FRMPD4: variants seen among roughly 807,000 people sequenced by gnomAD.
FRMPD4 encodes FERM and PDZ domain containing 4, also known as FERM and PDZ domain-containing protein 4.
A neutral mutation model predicts 94.1 loss-of-function variants in FRMPD4; 22 were observed. That is an observed-to-expected ratio of 0.23 (90% confidence interval 0.17 to 0.33). FRMPD4 has a LOEUF of 0.33. Ranked by LOEUF, FRMPD4 falls within the 10% of genes least tolerant of loss-of-function variation. FRMPD4 has a pLI of 1.00. For synonymous variants in FRMPD4, 631 were observed against 548.6 expected (o/e 1.15, Z -2.10); for missense variants, 1,111 against 1,339.9 (o/e 0.83, Z 2.67).
At chrX:12,277,014 G>A (rs1259337380) in intron 1 of FRMPD4, among the ~76,000 whole-genome samples, 7 of 103,209 alleles carry the variant, frequency 6.8e-5, no homozygotes, top group African/African-American at 2.1e-4. Context: ...CCAGCTACTC[G>A]GGAGGCTGAG....
intron 3 of FRMPD4, among the ~76,000 whole-genome samples, chrX:12,120,875 C>T (rs2055447634): frequency 9.0e-6 from 1 of 110,953 alleles, no homozygotes; most frequent in South Asian, 3.8e-4. Flanking sequence ...AAGTACTTGG[C>T]ACTGTGTCAT....
intron 2 of FRMPD4, among the ~76,000 whole-genome samples, chrX:12,525,167 A>ATTCTAATAGTAAAAG (rs1445899202): frequency 9.0e-6 from 1 of 110,570 alleles, no homozygotes; most frequent in Non-Finnish European, 1.9e-5. Flanking sequence ...TAGACAACTG[A>ATTCTAATAGTAAAAG]TTCTAATAGT....
Position 12,360,161 on chromosome X carries a change from C to A in FRMPD4, c.42-138519C>A, listed in dbSNP as rs1414465029. On this transcript the variant is annotated intron_variant, in intron 1 of 16. Transcript: ENST00000675598. ...GTTCAGGTACATACTGTACATACTG[C>A]ACTATACCTTGATCATTAAAGGAAT... Among the ~76,000 whole-genome samples the A allele has an allele frequency of 3.6e-5, 4 of 112,381 alleles. No individual in the cohort carries two copies. The Admixed American group carries it at 3.8e-4, about 11-fold the overall frequency.
At chrX:12,167,942 G>A (rs2056150364) in intron 1 of FRMPD4, among the ~76,000 whole-genome samples, 1 of 111,162 alleles carries the variant, frequency 9.0e-6, no homozygotes, top group South Asian at 3.9e-4. Flanking sequence ...AGGGGTTGGG[G>A]TAAGGACAAT....
chrX:12,140,637 C>T (rs967343271), intron 1 of FRMPD4, among the ~76,000 whole-genome samples: 1 of 112,135 alleles, frequency 8.9e-6, no homozygotes, highest in Non-Finnish European at 1.9e-5. Flanking sequence ...TTGGTGGCCT[C>T]AGATGCTAAA....
At chrX:12,556,429 G>T (rs938404118) in intron 2 of FRMPD4, among the ~76,000 whole-genome samples, 7 of 111,088 alleles carry the variant, frequency 6.3e-5, no homozygotes, top group African/African-American at 2.0e-4. Context: ...CCTACGGAGG[G>T]GGGTGGACTC....
intron 1 of FRMPD4, among the ~76,000 whole-genome samples, chrX:12,432,632 C>G (rs1329979861): frequency 8.9e-6 from 1 of 112,093 alleles, no homozygotes; most frequent in Non-Finnish European, 1.9e-5. Context: ...ATATCAGTCT[C>G]TCAGTAGGGA....
At chrX:12,176,517 G>A (rs2056297029) in intron 1 of FRMPD4, among the ~76,000 whole-genome samples, 1 of 111,742 alleles carries the variant, frequency 8.9e-6, no homozygotes, top group South Asian at 3.7e-4. Flanking sequence ...GTTAAAATCT[G>A]TATAATTAAA....
At chrX:12,006,257 A>C (rs749054794) in intron 3 of FRMPD4, among the ~76,000 whole-genome samples, 2 of 112,528 alleles carry the variant, frequency 1.8e-5, no homozygotes, top group African/African-American at 6.4e-5. Context: ...GCTTATTATA[A>C]ATTCTTATGA....
intron 1 of FRMPD4, among the ~76,000 whole-genome samples, chrX:11,827,934 A>G (rs1409231456): frequency 8.9e-6 from 1 of 111,807 alleles, no homozygotes; most frequent in Non-Finnish European, 1.9e-5. Context: ...ACAGGGACCA[A>G]TGCTCCTTTG....
At chrX:12,585,702 C>T (rs73444891) in intron 2 of FRMPD4, among the ~76,000 whole-genome samples, 5,713 of 111,718 alleles carry the variant, frequency 0.051, 343 homozygotes, top group African/African-American at 0.18. Flanking sequence ...GGACTTGCTC[C>T]GTCCAATACA....
At chrX:11,953,464 T>G (rs1427831435) in intron 3 of FRMPD4, among the ~76,000 whole-genome samples, 1 of 111,072 alleles carries the variant, frequency 9.0e-6, no homozygotes, top group Non-Finnish European at 1.9e-5. Flanking sequence ...TATTTAAAAC[T>G]TTTGCCTAGA....
intron 1 of FRMPD4, among the ~76,000 whole-genome samples, chrX:12,143,007 G>A (rs967427593): frequency 5.3e-5 from 6 of 112,287 alleles, no homozygotes; most frequent in Non-Finnish European, 7.5e-5. Context: ...GAGGTTAACC[G>A]TGGAAGTTTA....
At position 12,413,152 on chromosome X, in the gene FRMPD4, A is replaced by G. The variant is rs1569266136; in HGVS notation, c.42-85528A>G. Among the ~76,000 whole-genome samples, 4 of 111,674 alleles carry G rather than the reference A, an allele frequency of 3.6e-5. 1 individual carries two copies. Among genetic ancestry groups the G allele is most frequent in the Non-Finnish European group, 3.8e-5 (2 of 53,049 alleles). On this transcript the variant is annotated intron_variant, in intron 1 of 16. Coordinates refer to ENST00000675598, the MANE Select transcript of FRMPD4 (RefSeq NM_001368397.1). Reference sequence around the variant, plus strand: ...TTTTCTGAAACTGTTTAAAGCCGGTATGCTTTTGTCTGGGAGCACTTTAAA... The same window carrying G: ...TTTTCTGAAACTGTTTAAAGCCGGTGTGCTTTTGTCTGGGAGCACTTTAAA...
chrX:12,711,208 C>A (rs2041980459), intron 14 of FRMPD4, among the ~76,000 whole-genome samples: 1 of 111,720 alleles, frequency 9.0e-6, no homozygotes, highest in Non-Finnish European at 1.9e-5. Context: ...TTGTGAGCCC[C>A]TGCTTTAGGG....
chrX:12,091,307 A>C (rs1041789368), intron 3 of FRMPD4, among the ~76,000 whole-genome samples: 5 of 112,047 alleles, frequency 4.5e-5, no homozygotes. Flanking sequence ...CCAAGGAGCA[A>C]CAAACTTTGT....
chrX:12,091,522 C>T (rs192342743), intron 3 of FRMPD4, among the ~76,000 whole-genome samples: 110 of 112,012 alleles, frequency 9.8e-4, no homozygotes, highest in Non-Finnish European at 1.6e-3. Context: ...TTTTCCTATC[C>T]CTGATCTAAA....
At chrX:12,521,082 A>G (rs1329230151) in intron 2 of FRMPD4, among the ~76,000 whole-genome samples, 1 of 112,438 alleles carries the variant, frequency 8.9e-6, no homozygotes, top group Non-Finnish European at 1.9e-5. Context: ...AAAACTTTAC[A>G]GACACTGAAA....
chrX:12,492,844 G>C (rs1234483600), intron 1 of FRMPD4, among the ~76,000 whole-genome samples: 1 of 111,913 alleles, frequency 8.9e-6, no homozygotes, highest in Non-Finnish European at 1.9e-5. Flanking sequence ...TTTGACTACT[G>C]TACTGAAGCT....
Sources: allele counts gnomAD v4.1 joint callset (sites outside exome capture counted in the v4.1 genomes callset), GRCh38; gene constraint gnomAD v4.1.1; transcripts MANE v1.5; gene names NCBI Gene and HGNC (gene_info 2026-07-23, HGNC 2026-07-21).